The following CACNA2D3 variants were observed in gnomAD, a reference collection of about 807,000 sequenced individuals.
CACNA2D3 encodes the protein voltage-dependent calcium channel subunit alpha-2/delta-3.
In CACNA2D3, 60 loss-of-function variants were observed where a neutral mutation model predicts 160.6. That is an observed-to-expected ratio of 0.37 (90% CI 0.30 to 0.46). The LOEUF is 0.46. Among genes scored for constraint, CACNA2D3 ranks in the 20% least tolerant of loss-of-function variants. The pLI is 1.00. For missense variants in CACNA2D3, 1,205 were observed against 1,365.0 expected (o/e 0.88, Z 1.85); for synonymous variants, 558 against 492.9 (o/e 1.13, Z -1.75).
At chr3:54,916,168 T>A (rs6797854) in intron 27 of CACNA2D3, among the ~76,000 whole-genome samples, 19,362 of 152,140 alleles carry the variant, frequency 0.13, 1,260 homozygotes, top group Middle Eastern at 0.16. Context: ...GGGGTGGGTG[T>A]CAGGATTACA....
chr3:54,221,281 C>T (rs377527860), intron 2 of CACNA2D3, among the ~76,000 whole-genome samples: 2 of 152,134 alleles, frequency 1.3e-5, no homozygotes, highest in Non-Finnish European at 2.9e-5. Context: ...AGGGTGGGAT[C>T]GTGGGAATGG....
At chr3:54,338,384 G>T (rs1047690012) in intron 3 of CACNA2D3, among the ~76,000 whole-genome samples, 2 of 151,954 alleles carry the variant, frequency 1.3e-5, no homozygotes, top group African/African-American at 4.8e-5. Flanking sequence ...GTTGCCACAG[G>T]AAAAGGTGAT....
At chr3:54,557,085 T>C (rs1019688121) in intron 5 of CACNA2D3, among the ~76,000 whole-genome samples, 1 of 152,226 alleles carries the variant, frequency 6.6e-6, no homozygotes, top group African/African-American at 2.4e-5. Context: ...ATTTAAGATT[T>C]CCCCTTCTAT....
At chr3:54,443,277 G>GCCTTTT (rs1700171604) in intron 4 of CACNA2D3, among the ~76,000 whole-genome samples, 3 of 151,000 alleles carry the variant, frequency 2.0e-5, no homozygotes, top group Admixed American at 6.6e-5. Context: ...CATACAGCCA[G>GCCTTTT]CCATTTGCCT....
intron 4 of CACNA2D3, among the ~76,000 whole-genome samples, chr3:54,492,982 A>G (rs925858823): frequency 6.6e-6 from 1 of 151,746 alleles, no homozygotes; most frequent in Admixed American, 6.6e-5. Context: ...TTTATAATGT[A>G]CAAATGTTAA....
intron 21 of CACNA2D3, among the ~76,000 whole-genome samples, chr3:54,884,349 G>A (rs1251706197): frequency 6.6e-6 from 1 of 152,200 alleles, no homozygotes; most frequent in Non-Finnish European, 1.5e-5. Context: ...CATATGCAAT[G>A]ATGTTCATTC....
intron 11 of CACNA2D3, among the ~76,000 whole-genome samples, chr3:54,695,844 T>C (rs1195017834): frequency 6.6e-6 from 1 of 152,232 alleles, no homozygotes; most frequent in Non-Finnish European, 1.5e-5. Context: ...CACAAATAAT[T>C]TTCTCTGTTA....
intron 2 of CACNA2D3, among the ~76,000 whole-genome samples, chr3:54,173,657 T>G (rs529342494): frequency 6.6e-6 from 1 of 152,316 alleles, no homozygotes; most frequent in South Asian, 2.1e-4. Context: ...GTGGAAATGA[T>G]TAATCTTTGC....
At chr3:54,844,497 G>T (rs1032052227) in intron 16 of CACNA2D3, among the ~76,000 whole-genome samples, 2 of 152,114 alleles carry the variant, frequency 1.3e-5, no homozygotes, top group Middle Eastern at 3.2e-3. Context: ...AAGCTGTGTA[G>T]AATCTGCACT....
chr3:54,410,694 T>C (rs1368902966), intron 4 of CACNA2D3, among the ~76,000 whole-genome samples: 1 of 151,300 alleles, frequency 6.6e-6, no homozygotes, highest in African/African-American at 2.4e-5. Flanking sequence ...CCTAAGAGCT[T>C]TGCTGGGGAT....
At chr3:54,331,159 T>C (rs1292281016) in intron 3 of CACNA2D3, among the ~76,000 whole-genome samples, 1 of 152,128 alleles carries the variant, frequency 6.6e-6, no homozygotes, top group Non-Finnish European at 1.5e-5. Context: ...TTTTACTTGG[T>C]CTGTGTGGGC....
At chr3:54,847,941 A>C (rs1698971075) in intron 17 of CACNA2D3, among the ~76,000 whole-genome samples, 1 of 152,216 alleles carries the variant, frequency 6.6e-6, no homozygotes, top group Non-Finnish European at 1.5e-5. Flanking sequence ...GAAACAATCA[A>C]ACCCAAATCT....
At chr3:54,725,909 C>A (rs2107000169) in intron 11 of CACNA2D3, among the ~76,000 whole-genome samples, 1 of 152,180 alleles carries the variant, frequency 6.6e-6, no homozygotes. Flanking sequence ...GGAATTCTGG[C>A]TAGGGCAATC....
chr3:54,632,482 C>A (rs1130197), intron 10 of CACNA2D3: 26,482 of 152,170 alleles, frequency 0.17, 3,045 homozygotes, highest in Non-Finnish European at 0.25. Flanking sequence ...TGCAGTCTCC[C>A]CAGAACATCT....
intron 4 of CACNA2D3, among the ~76,000 whole-genome samples, chr3:54,425,604 C>G (rs149980439): frequency 2.4e-4 from 36 of 152,330 alleles, no homozygotes; most frequent in Admixed American, 7.2e-4. Context: ...CCTGAGGATA[C>G]CAGAAATGGC....
rs148867845 is a variant in CACNA2D3, at chr3:55,019,248, G to A, written c.2987+931G>A. Among the ~76,000 whole-genome samples, 1,385 of 151,732 alleles carry A rather than the reference G, an allele frequency of 9.1e-3. 26 individuals carry two copies. The highest frequency in any genetic ancestry group is 0.031 in the African/African-American group (1,303 of 41,380). On this transcript the variant is annotated intron_variant, in intron 35 of 37. Coordinates refer to ENST00000474759, the MANE Select transcript of CACNA2D3 (RefSeq NM_018398.3). Reference sequence around the variant, plus strand: ...CTTTATAATATGACTTGGTATTTAAGAGAACAAGCTCCTTTCCTTATTCTT... The same window carrying A: ...CTTTATAATATGACTTGGTATTTAAAAGAACAAGCTCCTTTCCTTATTCTT...
At chr3:54,383,361 C>T (rs1297482602) in intron 3 of CACNA2D3, among the ~76,000 whole-genome samples, 2 of 152,154 alleles carry the variant, frequency 1.3e-5, no homozygotes, top group African/African-American at 4.8e-5. Flanking sequence ...GTAGGCCTGT[C>T]TCCTATTGGC....
chr3:54,413,044 T>C (rs1479626970), intron 4 of CACNA2D3, among the ~76,000 whole-genome samples: 2 of 151,882 alleles, frequency 1.3e-5, no homozygotes, highest in Non-Finnish European at 3.0e-5. Flanking sequence ...TAAAGACCCC[T>C]TTTAGCAATT....
At chr3:54,694,751 C>A (rs983127461) in intron 11 of CACNA2D3, among the ~76,000 whole-genome samples, 1 of 152,198 alleles carries the variant, frequency 6.6e-6, no homozygotes, top group African/African-American at 2.4e-5. Flanking sequence ...TGCTTACCCC[C>A]TCCTCTGTTT....
Sources: gnomAD v4.1 joint callset for allele counts (sites outside exome capture counted in the v4.1 genomes callset) on GRCh38, gnomAD v4.1.1 for gene constraint, MANE v1.5 for transcripts, NCBI Gene and HGNC (gene_info 2026-07-23, HGNC 2026-07-21) for gene names.